Variants in IQCM observed in about 807,000 individuals in gnomAD.
IQCM encodes IQ domain-containing protein M.
A neutral mutation model predicts 57.6 loss-of-function variants in IQCM; 45 were observed. The observed-to-expected ratio is 0.78, with a 90% CI of 0.62 to 1.00. The LOEUF (loss-of-function observed/expected upper bound fraction) is 1.00, where lower values mean the gene tolerates loss of function less well. Among genes scored for constraint, IQCM ranks in the 50% least tolerant of loss-of-function variants. The pLI, the probability that IQCM is intolerant of heterozygous loss-of-function variation, is 0.00. For missense variants in IQCM, 468 were observed against 511.6 expected, an observed-to-expected ratio of 0.91 and a Z score of 0.82; for synonymous variants, 148 against 158.9, an observed-to-expected ratio of 0.93 and a Z score of 0.51.
chr4:149,741,604 C>T (rs1049104826), intron 3 of IQCM, among the ~76,000 whole-genome samples: 1 of 152,150 alleles, frequency 6.6e-6, no homozygotes, highest in African/African-American at 2.4e-5. Flanking sequence ...TGGGCAGATG[C>T]TTGCTGGCCT....
chr4:149,685,806 A>T (rs1762506411), intron 6 of IQCM, among the ~76,000 whole-genome samples: 1 of 151,542 alleles, frequency 6.6e-6, no homozygotes, highest in African/African-American at 2.4e-5. Context: ...TTCAGCACCA[A>T]CTATTGTGTA....
At chr4:149,813,155 T>A (rs1272120498) in intron 2 of IQCM, among the ~76,000 whole-genome samples, 1 of 152,130 alleles carries the variant, frequency 6.6e-6, no homozygotes, top group Non-Finnish European at 1.5e-5. Flanking sequence ...ATTTTTATTA[T>A]TTTTTTCTTT....
chr4:149,651,755 T>TG (rs1759200577), intron 7 of IQCM, among the ~76,000 whole-genome samples: 1 of 152,112 alleles, frequency 6.6e-6, no homozygotes, highest in Non-Finnish European at 1.5e-5. Context: ...AAGAAGATTT[T>TG]GGGGTCAATC....
At chr4:149,431,071 G>C (rs1734815406) in intron 13 of IQCM, among the ~76,000 whole-genome samples, 1 of 151,818 alleles carries the variant, frequency 6.6e-6, no homozygotes, top group Non-Finnish European at 1.5e-5. Flanking sequence ...TGGGTGTGGT[G>C]GTGGGCACCT....
At chr4:149,466,492 A>C (rs943896507) in intron 12 of IQCM, among the ~76,000 whole-genome samples, 2 of 152,160 alleles carry the variant, frequency 1.3e-5, no homozygotes, top group South Asian at 2.1e-4. Context: ...AAATATTAAA[A>C]AGTCTCCTAG....
intron 7 of IQCM, among the ~76,000 whole-genome samples, chr4:149,631,547 T>C (rs1383595526): frequency 6.6e-6 from 1 of 152,228 alleles, no homozygotes; most frequent in Admixed American, 6.5e-5. Context: ...TTTTACATTA[T>C]AACTGTATTG....
chr4:149,643,429 C>A (rs1390895097), intron 7 of IQCM, among the ~76,000 whole-genome samples: 1 of 152,178 alleles, frequency 6.6e-6, no homozygotes, highest in Non-Finnish European at 1.5e-5. Flanking sequence ...GACAAAGCAA[C>A]TCTACCAGAG....
At position 149,457,843 on chromosome 4, in the gene IQCM, A is replaced by C. The variant is rs150518992; in HGVS notation, c.1229-24286T>G. Among the ~76,000 whole-genome samples, 733 of 152,174 alleles carry C rather than the reference A, an allele frequency of 4.8e-3. 6 individuals are homozygous for C. Among genetic ancestry groups the C allele is most frequent in the African/African-American group, 0.017 (699 of 41,558 alleles). ...TAAAGAAAAATATATGTATTTTAAG[A>C]GGGAGAACAAAAAATTAGACATTCA... is the stretch of plus-strand genomic sequence containing the variant. On this transcript the variant is annotated intron_variant, in intron 12 of 13. Transcript: ENST00000636793.
chr4:149,579,124 T>C lies in IQCM; in HGVS notation c.749+8806A>G, dbSNP rs1561014548. On this transcript the variant is annotated intron_variant, in intron 9 of 13. Transcript: ENST00000636793. ...TTCTGCTTGCTCCTCCTTGGACGAT[T>C]TTCTTCATATTACATGCAGGAGTCA... is the stretch of plus-strand genomic sequence containing the variant. 3.3e-5 allele frequency among the ~76,000 whole-genome samples: 5 copies of C among 151,872 alleles called. No individual in the cohort carries two copies. The South Asian group carries it at 8.3e-4, about 25-fold the overall frequency.
At chr4:149,612,118 G>T (rs1360010317) in intron 8 of IQCM, among the ~76,000 whole-genome samples, 1 of 151,596 alleles carries the variant, frequency 6.6e-6, no homozygotes, top group African/African-American at 2.4e-5. Context: ...GAGCAAAGGA[G>T]GAAGTACCAC....
At chr4:149,585,444 TTTAC>T (rs1446546943) in intron 9 of IQCM, among the ~76,000 whole-genome samples, 1 of 151,704 alleles carries the variant, frequency 6.6e-6, no homozygotes, top group Non-Finnish European at 1.5e-5. Context: ...TTAATATTGA[TTTAC>T]TTAAATATTT....
chr4:149,636,928 G>C (rs1757767449), intron 7 of IQCM, among the ~76,000 whole-genome samples: 1 of 151,642 alleles, frequency 6.6e-6, no homozygotes, highest in South Asian at 2.1e-4. Flanking sequence ...TGGATCATGA[G>C]GTCAGGAGAT....
chr4:149,358,051 C>T (rs1161282526), intron 13 of IQCM, among the ~76,000 whole-genome samples: 1 of 152,154 alleles, frequency 6.6e-6, no homozygotes, highest in Non-Finnish European at 1.5e-5. Flanking sequence ...TTATAGTATT[C>T]TCTGATGGTA....
chr4:149,408,156 T>A (rs1481638220), intron 13 of IQCM, among the ~76,000 whole-genome samples: 1 of 152,170 alleles, frequency 6.6e-6, no homozygotes, highest in East Asian at 1.9e-4. Context: ...CATAAATTTA[T>A]ACAATTACAA....
intron 12 of IQCM, among the ~76,000 whole-genome samples, chr4:149,442,965 G>C (rs879566812): frequency 0.045 from 6,150 of 138,176 alleles, 191 homozygotes; most frequent in South Asian, 0.13. Context: ...GAGAGAGAGA[G>C]AGAGAGAGAG....
chr4:149,742,148 TA>T (rs1235448856), intron 3 of IQCM, among the ~76,000 whole-genome samples: 1 of 152,136 alleles, frequency 6.6e-6, no homozygotes, highest in Non-Finnish European at 1.5e-5. Flanking sequence ...ATGAATTAGA[TA>T]TTTTACATTC....
In IQCM at chr4:149,437,965, C is replaced by T. The variant is rs11932807; in HGVS notation, c.1229-4408G>A. 4.2e-3 allele frequency among the ~76,000 whole-genome samples: 634 copies of T among 152,080 alleles called. 3 individuals are homozygous for T. The highest frequency in any genetic ancestry group is 0.015 in the African/African-American group (603 of 41,526). On this transcript the variant is annotated intron_variant, in intron 12 of 13. Coordinates refer to ENST00000636793, the MANE Select transcript of IQCM (RefSeq NM_001363507.2). ...CGTACCCGCCCCTTCACACAAATGCCAGCCCAGACACAATACTTTAAAAAG... is the reference window on the plus strand; with the variant it reads ...CGTACCCGCCCCTTCACACAAATGCTAGCCCAGACACAATACTTTAAAAAG...
intron 11 of IQCM, among the ~76,000 whole-genome samples, chr4:149,552,669 A>G (rs945266827): frequency 6.6e-6 from 1 of 152,198 alleles, no homozygotes; most frequent in African/African-American, 2.4e-5. Context: ...ACTCTCAAGC[A>G]GGATTCCCTA....
intron 13 of IQCM, among the ~76,000 whole-genome samples, chr4:149,355,794 T>G (rs1728931369): frequency 6.6e-6 from 1 of 152,114 alleles, no homozygotes; most frequent in African/African-American, 2.4e-5. Context: ...GTATTTCTAG[T>G]TCTAGATCCC....
Sources: allele counts gnomAD v4.1 joint callset (sites outside exome capture counted in the v4.1 genomes callset), GRCh38; gene constraint gnomAD v4.1.1; transcripts MANE v1.5; gene names NCBI Gene and HGNC (gene_info 2026-07-23, HGNC 2026-07-21).